Variants in RGS17 observed in about 807,000 individuals in gnomAD.
RGS17 encodes regulator of G protein signaling 17.
In RGS17, 12 loss-of-function variants were observed where a neutral mutation model predicts 25.5. The ratio of observed to expected loss-of-function variants is 0.47; its 90% CI spans 0.30 to 0.76. The LOEUF is 0.76. Among genes scored for constraint, RGS17 ranks in the 30% least tolerant of loss-of-function variants. The pLI, the probability that RGS17 is intolerant of heterozygous loss-of-function variation, is 0.07. For synonymous variants in RGS17, 71 were observed against 76.9 expected (o/e 0.92, Z 0.40); for missense variants, 196 against 242.2 (o/e 0.81, Z 1.27).
intron 4 of RGS17, among the ~76,000 whole-genome samples, chr6:153,021,452 T>C (rs1470146256): frequency 2.0e-5 from 3 of 152,216 alleles, no homozygotes; most frequent in Non-Finnish European, 2.9e-5. Flanking sequence ...GTGCATGCCA[T>C]GCGCTGAGTA....
At chr6:153,124,677 G>A (rs1295364218) in intron 1 of RGS17, among the ~76,000 whole-genome samples, 1 of 152,074 alleles carries the variant, frequency 6.6e-6, no homozygotes, top group Non-Finnish European at 1.5e-5. Context: ...TCTAAAACCT[G>A]GGCTCTTTCC....
Position 153,024,441 on chromosome 6 carries a change from T to C in RGS17, c.265A>G (p.Met89Val). 1.2e-6 allele frequency: 2 copies of C among 1,614,200 alleles called. No homozygotes were observed. ...LSWSQNFDKM[M>V]KAPAGRNLFR... The stretch of plus-strand genomic sequence containing the variant: ...AGGTTTCTTCCTGCTGGGGCCTTCA[T>C]CATCTTGTCAAAATTTTGAGACCAG... Residue 89 changes from methionine (M) to valine (V), a missense_variant, in exon 4 of 5, where the codon ATG becomes GTG. Physicochemically the swap from Met to Val is conservative, Grantham distance 21 (BLOSUM62 1). Around this residue, in one of 2 missense-constraint regions of RGS17, gnomAD observed 179 missense variants for 197.6 expected, o/e 0.91. Coordinates refer to ENST00000206262, the MANE Select transcript of RGS17 (RefSeq NM_012419.5).
At chr6:153,070,028 C>A (rs1346833965) in intron 1 of RGS17, among the ~76,000 whole-genome samples, 1 of 151,990 alleles carries the variant, frequency 6.6e-6, no homozygotes, top group Admixed American at 6.6e-5. Context: ...AGAATCAATT[C>A]ACTCAGCACT....
chr6:153,120,598 G>C (rs1442744), intron 1 of RGS17, among the ~76,000 whole-genome samples: 69,659 of 151,942 alleles, frequency 0.46, 16,600 homozygotes, highest in East Asian at 0.85. Flanking sequence ...TGAAGCGCCT[G>C]TCCCATAGCA....
At chr6:153,017,815 C>G (rs540848281) in intron 4 of RGS17, among the ~76,000 whole-genome samples, 2 of 152,128 alleles carry the variant, frequency 1.3e-5, no homozygotes, top group South Asian at 4.1e-4. Flanking sequence ...AAGTAAAATT[C>G]TGATTAATTT....
chr6:153,012,120 A>G (rs1216529694), intron 4 of RGS17, among the ~76,000 whole-genome samples: 2 of 152,196 alleles, frequency 1.3e-5, no homozygotes, highest in Admixed American at 6.5e-5. Flanking sequence ...CTATTCTGTG[A>G]CTGGGGGAGG....
rs575353177 is a variant in RGS17, at chr6:153,087,271, G to A, written c.-25-43228C>T. Among the ~76,000 whole-genome samples the A allele has an allele frequency of 2.9e-4, 44 of 152,258 alleles. No individual in the cohort carries two copies. The East Asian group carries it at 3.1e-3, about 11-fold the overall frequency. Reference sequence around the variant, plus strand: ...AGCCTGGGCAACAGAGTGAGACTCCGTCTAAAACAAACAAACAAACAAACA... The same window carrying A: ...AGCCTGGGCAACAGAGTGAGACTCCATCTAAAACAAACAAACAAACAAACA... On this transcript the variant is annotated intron_variant, in intron 1 of 4. Coordinates refer to ENST00000206262, the MANE Select transcript of RGS17 (RefSeq NM_012419.5).
rs372504001 is a variant in RGS17, at chr6:153,084,654, T to C, written c.-25-40611A>G. Reference sequence around the variant, plus strand: ...TTTAAGGTTCCTCAGAAGACTGGAATACAGTCTCAAGGAGAGGTGGACAGA... The same window carrying C: ...TTTAAGGTTCCTCAGAAGACTGGAACACAGTCTCAAGGAGAGGTGGACAGA... On this transcript the variant is annotated intron_variant, in intron 1 of 4. Coordinates refer to ENST00000206262, the MANE Select transcript of RGS17 (RefSeq NM_012419.5). 3.2e-4 allele frequency among the ~76,000 whole-genome samples: 49 copies of C among 152,308 alleles called. 8 individuals carry two copies. Among genetic ancestry groups the C allele is most frequent in the Admixed American group, 2.1e-3 (32 of 15,298 alleles).
At chr6:153,115,125 G>A (rs1024805580) in intron 1 of RGS17, among the ~76,000 whole-genome samples, 6 of 152,070 alleles carry the variant, frequency 3.9e-5, no homozygotes, top group Non-Finnish European at 1.5e-5. Context: ...CATATAGGGA[G>A]AGAGGAAGTC....
In RGS17 at chr6:153,056,121, T is replaced by TA. The variant is rs1408874108; in HGVS notation, c.-25-12079dup. 2.0e-5 allele frequency among the ~76,000 whole-genome samples: 3 copies of TA among 152,290 alleles called. No individual in the cohort carries two copies. The East Asian group carries it at 5.8e-4, about 29-fold the overall frequency. On this transcript the variant is annotated intron_variant, in intron 1 of 4. Coordinates refer to ENST00000206262, the MANE Select transcript of RGS17 (RefSeq NM_012419.5). The stretch of plus-strand genomic sequence containing the variant: ...GCAATTTAGAATGCATTAACAGAAA[T>TA]ACGTTTTCTAAAACAAGATGTAATA...
At position 153,005,480 on chromosome 6, in the gene RGS17, A is replaced by G. The variant is rs372693692; in HGVS notation, c.*6094T>C. The G allele has an allele frequency of 6.6e-6, 1 of 152,216 alleles. No homozygotes were observed. Among genetic ancestry groups the G allele is most frequent in the South Asian group, 2.1e-4 (1 of 4,834 alleles). 9.4% of individuals were successfully genotyped at this position (152,216 alleles called of 1,614,324 possible). A position where few individuals can be genotyped will look rare whatever the true frequency, so the allele number is the denominator to read the frequency against. The stretch of plus-strand genomic sequence containing the variant: ...ACGCATTACTTTACAGTGGAGAAAT[A>G]TAATAGATGCTACCTCAGCTAAGTG... On this transcript the variant is annotated 3_prime_UTR_variant, in exon 5 of 5. Coordinates refer to ENST00000206262, the MANE Select transcript of RGS17 (RefSeq NM_012419.5).
intron 1 of RGS17, among the ~76,000 whole-genome samples, chr6:153,110,350 C>T (rs2129125250): frequency 6.6e-6 from 1 of 151,906 alleles, no homozygotes; most frequent in Non-Finnish European, 1.5e-5. Context: ...CTACCAGCAC[C>T]TCTGCTTTTA....
chr6:153,093,785 G>C (rs185598950), intron 1 of RGS17, among the ~76,000 whole-genome samples: 126 of 152,222 alleles, frequency 8.3e-4, no homozygotes, highest in Admixed American at 2.7e-3. Context: ...GACTCAAAGT[G>C]CTCTAGTGAA....
In RGS17 at chr6:153,130,478, A is replaced by G. The variant is rs1777770513; in HGVS notation, c.-26+646T>C. 8.8e-6 allele frequency among the ~76,000 whole-genome samples: 1 copy of G among 114,234 alleles called. No individual in the cohort carries two copies. Among genetic ancestry groups the G allele is most frequent in the African/African-American group, 3.8e-5 (1 of 26,332 alleles). The allele number at this position is 114,234 out of a possible 152,430, so 74.9% of individuals were successfully genotyped here. A position where few individuals can be genotyped will look rare whatever the true frequency, so the allele number is the denominator to read the frequency against. On this transcript the variant is annotated intron_variant, in intron 1 of 4. Coordinates refer to ENST00000206262, the MANE Select transcript of RGS17 (RefSeq NM_012419.5). This position sits in a 1 kb window ranked among gnomAD's most constrained non-coding sequence, Gnocchi z 6.4. ...GACCCCCCACCCCCTATACATACAT[A>G]CACATACACACACACACACACACAC...
chr6:153,031,693 A>G (rs562255925), intron 2 of RGS17, among the ~76,000 whole-genome samples: 1 of 152,180 alleles, frequency 6.6e-6, no homozygotes, highest in Non-Finnish European at 1.5e-5. Context: ...TGGTATTGCA[A>G]GTGTTTACAC....
rs1438122036 is a variant in RGS17, at chr6:153,110,441, C to CACACACAT, written c.-26+20682_-26+20683insATGTGTGT. 7.9e-5 allele frequency among the ~76,000 whole-genome samples: 12 copies of CACACACAT among 151,876 alleles called. No homozygotes were observed. In the South Asian group the frequency reaches 2.3e-3, roughly 29 times the overall value. On this transcript the variant is annotated intron_variant, in intron 1 of 4. Coordinates refer to ENST00000206262, the MANE Select transcript of RGS17 (RefSeq NM_012419.5). Reference sequence around the variant, plus strand: ...CTGCCAACATACACACACACACACACACACACACACACACACTTCAATATA... The same window carrying CACACACAT: ...CTGCCAACATACACACACACACACACACACACATACACACACACACACACTTCAATATA...
At position 153,087,224 on chromosome 6, in the gene RGS17, C is replaced by A. The variant is rs1315541493; in HGVS notation, c.-25-43181G>T. The stretch of plus-strand genomic sequence containing the variant: ...CTTGGAGGCAGAGGTTGCAGTGAGC[C>A]AAGATCGTGCCACTGCACTCCAGCC... On this transcript the variant is annotated intron_variant, in intron 1 of 4. Transcript: ENST00000206262. Among the ~76,000 whole-genome samples the A allele has an allele frequency of 2.0e-5, 3 of 152,198 alleles. No individual in the cohort carries two copies. The East Asian group carries it at 5.8e-4, about 29-fold the overall frequency.
At position 153,011,758 on chromosome 6, in the gene RGS17, C is replaced by G. The variant is rs1779135783; in HGVS notation, c.449G>C (p.Ser150Thr). The change falls in exon 5 of 5, where the codon AGT becomes ACT. Residue 150 changes from serine to threonine, a missense_variant. Around this residue, in one of 2 missense-constraint regions of RGS17, gnomAD observed 179 missense variants for 197.6 expected, o/e 0.91. Coordinates refer to ENST00000206262, the MANE Select transcript of RGS17 (RefSeq NM_012419.5). ...CACCTCTCTAACTCGAGAATCAAGA[C>G]TGACCTAAAAAGAAACAAGAGCAAA... ...YISILSPKEV[S>T]LDSRVREVIN... 1.3e-6 allele frequency: 2 copies of G among 1,590,090 alleles called. No individual in the cohort carries two copies. Among genetic ancestry groups the G allele is most frequent in the Admixed American group, 1.9e-5 (1 of 52,714 alleles).
In RGS17 at chr6:153,011,007, T is replaced by C. The variant is rs893003409; in HGVS notation, c.*567A>G. ...GGATTTTCCAACAAACAGAGATAAA[T>C]AGCTCTTTTTCATGTACAGAAATAT... is the stretch of plus-strand genomic sequence containing the variant. On this transcript the variant is annotated 3_prime_UTR_variant, in exon 5 of 5. Coordinates refer to ENST00000206262, the MANE Select transcript of RGS17 (RefSeq NM_012419.5). 6.6e-6 allele frequency: 1 copy of C among 151,930 alleles called. No individual in the cohort carries two copies. Among genetic ancestry groups the C allele is most frequent in the African/African-American group, 2.4e-5 (1 of 41,250 alleles). 9.4% of individuals were successfully genotyped at this position (151,930 alleles called of 1,614,324 possible).
Sources: gnomAD v4.1 joint callset for allele counts (sites outside exome capture counted in the v4.1 genomes callset) on GRCh38, gnomAD v4.1.1 for gene constraint, gnomAD v4.1.1 regional missense constraint, Gnocchi (gnomAD v3.1) non-coding constraint, MANE v1.5 for transcripts, NCBI Gene and HGNC (gene_info 2026-07-23, HGNC 2026-07-21) for gene names.